The following TBCD variants were observed in gnomAD, a reference collection of about 807,000 sequenced individuals.
TBCD encodes tubulin-specific chaperone D.
TBCD carries 105 observed loss-of-function variants against 169.3 expected under a neutral mutation model. The ratio of observed to expected loss-of-function variants is 0.62; its 90% confidence interval spans 0.53 to 0.73. The LOEUF is 0.73. Among genes scored for constraint, TBCD ranks in the 30% least tolerant of loss-of-function variants. The pLI, the probability that TBCD is intolerant of heterozygous loss-of-function variation, is 0.00. For synonymous variants in TBCD, 700 were observed against 643.9 expected (o/e 1.09, Z -1.32); for missense variants, 1,444 against 1,600.1 (o/e 0.90, Z 1.66).
intron 13 of TBCD, among the ~76,000 whole-genome samples, chr17:82,868,117 C>G (rs760689631): frequency 6.6e-6 from 1 of 152,132 alleles, no homozygotes; most frequent in Non-Finnish European, 1.5e-5. Context: ...GCGTGGCTGC[C>G]GCAGTTGGGG....
rs776625918 is a variant in TBCD, at chr17:82,929,528, A to G, written c.2991+28A>G. The stretch of plus-strand genomic sequence containing the variant: ...GAGGAGGCGTCGGGCTGGCTGGGGC[A>G]GGAGGTGGCTCCAGGAGTGCCTGGT... On this transcript the variant is annotated intron_variant, in intron 32 of 38. Transcript: ENST00000355528. The G allele has an allele frequency of 2.5e-6, 4 of 1,600,418 alleles. No homozygotes were observed. The African/African-American group carries it at 4.0e-5, about 16-fold the overall frequency.
In TBCD at chr17:82,825,636, C is replaced by G. The variant is rs115564405; in HGVS notation, c.1318+10702C>G. 8.7e-3 allele frequency among the ~76,000 whole-genome samples: 1,327 copies of G among 152,196 alleles called. 16 individuals carry two copies. Among genetic ancestry groups the G allele is most frequent in the African/African-American group, 0.031 (1,284 of 41,498 alleles). On this transcript the variant is annotated intron_variant, in intron 13 of 38. Coordinates refer to ENST00000355528, the MANE Select transcript of TBCD (RefSeq NM_005993.5). ...CTTGAAGCAGTGTCCTCAGATACCC[C>G]TTGGAATTGTGACAAACTCTGTATC... is the stretch of plus-strand genomic sequence containing the variant.
chr17:82,791,359 G>A (rs2049716671), intron 7 of TBCD, among the ~76,000 whole-genome samples: 1 of 152,174 alleles, frequency 6.6e-6, no homozygotes, highest in Admixed American at 6.5e-5. Context: ...CCAAAGTGCT[G>A]GGATTACAGG....
At chr17:82,766,435 A>G (rs1438261154) in intron 4 of TBCD, 67 bp downstream of exon 4, 27 of 989,778 alleles carry the variant, frequency 2.7e-5, no homozygotes, top group Non-Finnish European at 4.1e-5. Flanking sequence ...TGCTTGCCCC[A>G]CCCTGCTGCA....
intron 13 of TBCD, among the ~76,000 whole-genome samples, chr17:82,819,974 C>T (rs1280448983): frequency 4.2e-5 from 6 of 142,886 alleles, no homozygotes; most frequent in South Asian, 2.2e-4. Context: ...TTAAGTTTAC[C>T]TTTTTTTTTT....
At chr17:82,819,460 C>A (rs1375326171) in intron 13 of TBCD, among the ~76,000 whole-genome samples, 1 of 152,228 alleles carries the variant, frequency 6.6e-6, no homozygotes, top group Non-Finnish European at 1.5e-5. Context: ...TCTGTGCACA[C>A]CACCACGCCC....
At chr17:82,910,029 T>C (rs12941623) in intron 22 of TBCD, among the ~76,000 whole-genome samples, 39,151 of 152,266 alleles carry the variant, frequency 0.26, 5,047 homozygotes, top group Middle Eastern at 0.31. Flanking sequence ...GTGGTGTGCA[T>C]GTACGGCGCC....
intron 38 of TBCD, 162 bp from the exon 39 acceptor site, chr17:82,942,287 G>A: frequency 1.0e-6 from 1 of 981,448 alleles, no homozygotes; most frequent in Non-Finnish European, 1.5e-6. Flanking sequence ...GCACCTGTCA[G>A]CCACATAGCT....
chr17:82,802,329 C>T (rs1266756738), intron 9 of TBCD, among the ~76,000 whole-genome samples: 4 of 151,942 alleles, frequency 2.6e-5, no homozygotes, highest in African/African-American at 7.3e-5. Context: ...AGCTCACACT[C>T]CGTCCTGGAT....
At chr17:82,941,530 C>T (rs1311116423) in intron 38 of TBCD, 47 bp downstream of exon 38, 21 of 1,513,058 alleles carry the variant, frequency 1.4e-5, no homozygotes, top group Non-Finnish European at 1.8e-5. Context: ...CTTCCCTGAG[C>T]TCTGGAATGT....
chr17:82,849,455 T>C (rs1567885525), intron 13 of TBCD, among the ~76,000 whole-genome samples: 1 of 152,246 alleles, frequency 6.6e-6, no homozygotes, highest in Non-Finnish European at 1.5e-5. Flanking sequence ...TTTTGGCCCC[T>C]TTTCATATCT....
intron 20 of TBCD, among the ~76,000 whole-genome samples, chr17:82,906,723 C>T (rs994465662): frequency 2.0e-5 from 3 of 152,248 alleles, no homozygotes; most frequent in Admixed American, 6.5e-5. Context: ...AGACAGTTCC[C>T]TGGGAACGGG....
intron 13 of TBCD, among the ~76,000 whole-genome samples, chr17:82,818,074 T>C (rs1357253629): frequency 6.6e-6 from 1 of 152,200 alleles, no homozygotes; most frequent in Non-Finnish European, 1.5e-5. Flanking sequence ...TCATGTCTTA[T>C]GGCAACATGC....
chr17:82,774,576 A>T (rs2048472898), intron 6 of TBCD, among the ~76,000 whole-genome samples: 1 of 152,166 alleles, frequency 6.6e-6, no homozygotes, highest in Non-Finnish European at 1.5e-5. Context: ...CACCTCCCAG[A>T]CGGGGTGGCA....
chr17:82,769,704 C>G (rs886777166), intron 5 of TBCD, among the ~76,000 whole-genome samples: 7 of 151,750 alleles, frequency 4.6e-5, no homozygotes, highest in African/African-American at 1.7e-4. Context: ...TGGTGAAACC[C>G]TGTGTCTACT....
intron 13 of TBCD, among the ~76,000 whole-genome samples, chr17:82,852,131 C>G (rs2055844032): frequency 6.7e-6 from 1 of 150,180 alleles, no homozygotes; most frequent in African/African-American, 2.5e-5. Context: ...TCGCTGTCAT[C>G]CCCAACCCCC....
At chr17:82,885,230 C>T (rs754818094) in intron 15 of TBCD, among the ~76,000 whole-genome samples, 1 of 150,230 alleles carries the variant, frequency 6.7e-6, no homozygotes, top group Non-Finnish European at 1.5e-5. Context: ...GTGCTGGGAC[C>T]GGTGATGGTT....
At chr17:82,768,683 C>T (rs1051299666) in intron 5 of TBCD, 117 bp downstream of exon 5, 7 of 1,141,120 alleles carry the variant, frequency 6.1e-6, no homozygotes. Context: ...CTGTTTTTTT[C>T]AGTGGGGTAA....
intron 14 of TBCD, among the ~76,000 whole-genome samples, chr17:82,881,912 CT>C (rs1256438336): frequency 5.3e-5 from 8 of 150,722 alleles, no homozygotes; most frequent in Admixed American, 3.9e-4. Flanking sequence ...TCTCTCCCCC[CT>C]CTCCCCTCCT....
Sources: allele counts gnomAD v4.1 joint callset (sites outside exome capture counted in the v4.1 genomes callset), GRCh38; gene constraint gnomAD v4.1.1; transcripts MANE v1.5; gene names NCBI Gene and HGNC (gene_info 2026-07-23, HGNC 2026-07-21).